Variants in CFAP161 observed in about 807,000 individuals in gnomAD.
CFAP161 encodes the protein cilia- and flagella-associated protein 161.
Under a neutral mutation model 29.0 loss-of-function variants are expected in CFAP161, and 25 were observed. The observed-to-expected ratio is 0.86, with a 90% CI of 0.63 to 1.20. The LOEUF (loss-of-function observed/expected upper bound fraction) is 1.20. Among genes scored for constraint, CFAP161 ranks in the 50% most tolerant of loss-of-function variants. CFAP161 has a pLI of 0.00. For missense variants in CFAP161, 367 were observed against 371.9 expected, an observed-to-expected ratio of 0.99 and a Z score of 0.11; for synonymous variants, 116 against 137.4, an observed-to-expected ratio of 0.84 and a Z score of 1.09.
At position 81,134,406 on chromosome 15, in the gene CFAP161, G is replaced by C; in HGVS notation, c.69+8G>C. 6.3e-7 allele frequency: 1 copy of C among 1,578,066 alleles called. No individual in the cohort carries two copies. Among genetic ancestry groups the C allele is most frequent in the South Asian group, 1.2e-5 (1 of 85,750 alleles). The stretch of plus-strand genomic sequence containing the variant: ...GATGTCTACCTGGAGGAGGTACGCA[G>C]GGTGTGGCCAGGCGCAGACCCGCAG... On this transcript the variant is annotated splice_region_variant and intron_variant, in intron 1 of 6. Coordinates refer to ENST00000286732, the MANE Select transcript of CFAP161 (RefSeq NM_173528.4).
intron 2 of CFAP161, among the ~76,000 whole-genome samples, chr15:81,128,362 A>G (rs1205438370): frequency 6.6e-6 from 1 of 152,202 alleles, no homozygotes; most frequent in Non-Finnish European, 1.5e-5. Context: ...AAATAAGTTT[A>G]TGTAATAGTC....
intron 1 of CFAP161, among the ~76,000 whole-genome samples, chr15:81,125,330 A>G (rs2141871442): frequency 6.6e-6 from 1 of 152,296 alleles, no homozygotes; most frequent in South Asian, 2.1e-4. Context: ...GCTGGTAAAT[A>G]TTCAGCAAAA....
intron 1 of CFAP161, among the ~76,000 whole-genome samples, chr15:81,101,526 CAAAAA>C (rs527465471): frequency 6.5e-5 from 3 of 46,106 alleles, no homozygotes; most frequent in Admixed American, 2.8e-4. Flanking sequence ...GACTCTGTCT[CAAAAA>C]AAAAAAAAAA....
chr15:81,137,420 C>A (rs1894829902), intron 3 of CFAP161, among the ~76,000 whole-genome samples: 1 of 151,600 alleles, frequency 6.6e-6, no homozygotes, highest in Non-Finnish European at 1.5e-5. Context: ...CATGTCGAAA[C>A]CCCATCTCTA....
At chr15:81,147,542 G>C (rs1039547534) in intron 5 of CFAP161, among the ~76,000 whole-genome samples, 1 of 152,170 alleles carries the variant, frequency 6.6e-6, no homozygotes, top group Non-Finnish European at 1.5e-5. Context: ...ATAGCCTCGT[G>C]TTCCTAGGTG....
upstream of CFAP161, among the ~76,000 whole-genome samples, chr15:81,133,200 TA>T (rs1567156292): frequency 3.9e-3 from 302 of 76,478 alleles, 8 homozygotes; most frequent in African/African-American, 0.014. Flanking sequence ...TATATATATA[TA>T]TATATATATA....
chr15:81,138,302 C>G (rs1170310675), intron 4 of CFAP161, among the ~76,000 whole-genome samples, 167 bp downstream of exon 4: 1 of 152,220 alleles, frequency 6.6e-6, no homozygotes, highest in Non-Finnish European at 1.5e-5. Flanking sequence ...TTGGGCCAAG[C>G]CAGTCTTTCC....
chr15:81,107,649 C>A (rs941443899), intron 1 of CFAP161, among the ~76,000 whole-genome samples: 2 of 152,114 alleles, frequency 1.3e-5, no homozygotes, highest in African/African-American at 4.8e-5. Context: ...TGCTTGAACC[C>A]AGGAGGCGGA....
chr15:81,129,520 C>A (rs886729925), upstream of CFAP161, among the ~76,000 whole-genome samples: 3 of 152,140 alleles, frequency 2.0e-5, no homozygotes, highest in Non-Finnish European at 1.5e-5. Flanking sequence ...TTCACTACCA[C>A]GAGAACAGTA....
At chr15:81,126,028 C>G (rs1437350596) in intron 1 of CFAP161, among the ~76,000 whole-genome samples, 1 of 152,134 alleles carries the variant, frequency 6.6e-6, no homozygotes, top group African/African-American at 2.4e-5. Context: ...CATCACCATG[C>G]CCAGCTAAGT....
intron 5 of CFAP161, among the ~76,000 whole-genome samples, chr15:81,146,184 C>A (rs2141886630): frequency 6.6e-6 from 1 of 152,268 alleles, no homozygotes; most frequent in Admixed American, 6.5e-5. Context: ...TGATTCTGTT[C>A]CCAGGAGAAC....
chr15:81,103,695 G>A (rs533204776), intron 1 of CFAP161, among the ~76,000 whole-genome samples: 13 of 152,298 alleles, frequency 8.5e-5, no homozygotes, highest in Non-Finnish European at 1.9e-4. Flanking sequence ...AGTTCTGTGA[G>A]CTGCTCCAGC....
At chr15:81,117,786 A>G (rs373224747) in intron 1 of CFAP161, 3 of 302,092 alleles carry the variant, frequency 9.9e-6, no homozygotes, top group Non-Finnish European at 2.0e-5. Flanking sequence ...CTTTGTCATC[A>G]TCCCCTTCTA....
rs1378329729 is a variant in CFAP161 at position 81,134,275 on chromosome 15, G to A, written c.-55G>A. Reference sequence around the variant, plus strand: ...TGGGGCCGGGTCGTCATGGCGACGCGCCACGCTAACGCATGGTGTCGGAGG... The same window carrying A: ...TGGGGCCGGGTCGTCATGGCGACGCACCACGCTAACGCATGGTGTCGGAGG... On this transcript the variant is annotated 5_prime_UTR_variant, in exon 1 of 7. Transcript: ENST00000286732. 6.5e-7 allele frequency: 1 copy of A among 1,550,062 alleles called. No homozygotes were observed. Among genetic ancestry groups the A allele is most frequent in the Non-Finnish European group, 8.7e-7 (1 of 1,144,512 alleles).
intron 1 of CFAP161, among the ~76,000 whole-genome samples, chr15:81,124,003 C>T (rs1355243475): frequency 6.6e-6 from 1 of 152,132 alleles, no homozygotes; most frequent in African/African-American, 2.4e-5. Flanking sequence ...GTGTGACTTT[C>T]TTTCTTCCTA....
intron 1 of CFAP161, chr15:81,117,543 C>CTT (rs35047343): frequency 1.6e-3 from 217 of 135,428 alleles, no homozygotes; most frequent in South Asian, 2.2e-3. Flanking sequence ...ATCACAGCTA[C>CTT]TTTTTTTTTT....
intron 2 of CFAP161, among the ~76,000 whole-genome samples, chr15:81,136,193 A>G (rs563171993): frequency 3.1e-4 from 47 of 152,410 alleles, no homozygotes; most frequent in African/African-American, 9.6e-4. Flanking sequence ...CATTTTACAA[A>G]TAAAGAAATA....
At chr15:81,122,646 C>CA (rs1218291117) in intron 1 of CFAP161, among the ~76,000 whole-genome samples, 1 of 151,960 alleles carries the variant, frequency 6.6e-6, no homozygotes, top group Non-Finnish European at 1.5e-5. Flanking sequence ...CACGCATCAC[C>CA]ATACCCAGCT....
In CFAP161 at chr15:81,138,049, A is replaced by T. The variant is rs748684725; in HGVS notation, c.393-2A>T. The T allele has an allele frequency of 5.0e-6, 8 of 1,595,172 alleles. No individual in the cohort carries two copies. Among genetic ancestry groups the T allele is most frequent in the Non-Finnish European group, 6.0e-6 (7 of 1,162,928 alleles). The stretch of plus-strand genomic sequence containing the variant: ...TACATTATACTTATTGTCCACTGAC[A>T]GTGTACACAGAGATGCCACTGGTCA... On this transcript the variant is annotated splice_acceptor_variant, in intron 3 of 6. Transcript: ENST00000286732. LOFTEE classifies it high-confidence loss of function.
Sources: allele counts gnomAD v4.1 joint callset (sites outside exome capture counted in the v4.1 genomes callset), GRCh38; gene constraint gnomAD v4.1.1; transcripts MANE v1.5; gene names NCBI Gene and HGNC (gene_info 2026-07-23, HGNC 2026-07-21).